The following SVIL variants were observed in gnomAD, a reference collection of about 807,000 sequenced individuals.
The protein encoded by SVIL is supervillin.
In SVIL, 101 loss-of-function variants were observed where a neutral mutation model predicts 240.4. The ratio of observed to expected loss-of-function variants is 0.42; its 90% confidence interval spans 0.36 to 0.50. SVIL has a LOEUF of 0.50. SVIL is among the 20% of genes least tolerant of loss of function. The pLI, the probability that SVIL is intolerant of heterozygous loss-of-function variation, is 0.01. For missense variants in SVIL, 2,512 were observed against 2,818.7 expected, an observed-to-expected ratio of 0.89 and a Z score of 2.46; for synonymous variants, 999 against 1,100.0, an observed-to-expected ratio of 0.91 and a Z score of 1.82.
At chr10:29,503,520 A>G (rs1267964657) in intron 17 of SVIL, among the ~76,000 whole-genome samples, 2 of 152,226 alleles carry the variant, frequency 1.3e-5, no homozygotes, top group Non-Finnish European at 2.9e-5. Context: ...TATTGCTGGA[A>G]GAAAGAAAAG....
At chr10:29,473,158 C>G (rs1187006314) in intron 30 of SVIL, among the ~76,000 whole-genome samples, 2 of 151,926 alleles carry the variant, frequency 1.3e-5, no homozygotes, top group African/African-American at 4.8e-5. Flanking sequence ...GGAGAGGTGC[C>G]CAGGGCCCAT....
intron 6 of SVIL, among the ~76,000 whole-genome samples, chr10:29,549,699 A>G (rs1251674655): frequency 7.1e-6 from 1 of 140,372 alleles, no homozygotes; most frequent in Admixed American, 7.3e-5. Flanking sequence ...GCCATAAAAA[A>G]GGATGAGTTC....
At chr10:29,602,671 CTAAA>C (rs1956860597) in intron 1 of SVIL, among the ~76,000 whole-genome samples, 1 of 152,154 alleles carries the variant, frequency 6.6e-6, no homozygotes, top group African/African-American at 2.4e-5. Flanking sequence ...TGAAAGAAGA[CTAAA>C]TATAATTTTT....
At chr10:29,512,622 A>G in intron 17 of SVIL, 113 bp downstream of exon 17, 1 of 1,586,632 alleles carries the variant, frequency 6.3e-7, no homozygotes, top group Non-Finnish European at 8.6e-7. Flanking sequence ...CCTAAGGGCA[A>G]AAATGCACAA....
At chr10:29,708,524 G>A (rs143949063) in intron 1 of SVIL, among the ~76,000 whole-genome samples, 22 of 152,128 alleles carry the variant, frequency 1.4e-4, no homozygotes, top group Admixed American at 5.9e-4. Flanking sequence ...GGGTGGCTAA[G>A]GCAGGAAAAT....
At position 29,484,874 on chromosome 10, in the gene SVIL, T is replaced by C. The variant is rs1947244349; in HGVS notation, c.4780-43A>G. Reference sequence around the variant, plus strand: ...AAAGAATTTGTTAACTTCAAGAACATGCAACAGTTGAATCAGGTGCAACAG... The same window carrying C: ...AAAGAATTTGTTAACTTCAAGAACACGCAACAGTTGAATCAGGTGCAACAG... On this transcript the variant is annotated intron_variant, in intron 26 of 37. Transcript: ENST00000355867. The surrounding 1 kb of genome is among the most constrained non-coding windows in gnomAD (Gnocchi z 4.7). 6.4e-7 allele frequency: 1 copy of C among 1,552,054 alleles called. No individual in the cohort carries two copies.
At chr10:29,462,251 T>A in intron 36 of SVIL, 26 bp downstream of exon 36, 1 of 1,610,144 alleles carries the variant, frequency 6.2e-7, no homozygotes, top group Non-Finnish European at 8.5e-7. Flanking sequence ...AGGAGCCACC[T>A]TCATAGGGCA....
intron 1 of SVIL, among the ~76,000 whole-genome samples, chr10:29,696,285 A>G (rs900062875): frequency 5.3e-5 from 8 of 152,010 alleles, no homozygotes; most frequent in South Asian, 2.1e-4. Context: ...GTGCAGTGGC[A>G]TGATCTCGGC....
At chr10:29,722,494 A>C (rs1964051398) in intron 1 of SVIL, among the ~76,000 whole-genome samples, 1 of 152,236 alleles carries the variant, frequency 6.6e-6, no homozygotes, top group Admixed American at 6.5e-5. Flanking sequence ...TGTTTAAAGA[A>C]AAAGAACGAA....
At chr10:29,544,637 A>T (rs773514046) in intron 6 of SVIL, among the ~76,000 whole-genome samples, 3 of 151,924 alleles carry the variant, frequency 2.0e-5, no homozygotes, top group Non-Finnish European at 2.9e-5. Flanking sequence ...GCATCTGTTA[A>T]GTCCCAACTA....
chr10:29,541,247 A>T (rs1952131078), intron 6 of SVIL, among the ~76,000 whole-genome samples: 1 of 152,242 alleles, frequency 6.6e-6, no homozygotes. Context: ...TGCTTTATAC[A>T]ACATAATGAG....
chr10:29,645,588 G>A (rs958891821), intron 3 of SVIL, among the ~76,000 whole-genome samples: 1 of 151,998 alleles, frequency 6.6e-6, no homozygotes, highest in Admixed American at 6.6e-5. Flanking sequence ...AATAAATAAG[G>A]AAGGAATAAA....
intron 1 of SVIL, among the ~76,000 whole-genome samples, chr10:29,616,399 T>C (rs1957427404): frequency 6.6e-6 from 1 of 152,224 alleles, no homozygotes; most frequent in African/African-American, 2.4e-5. Flanking sequence ...AATTGTGATA[T>C]ATAATACATG....
At chr10:29,616,575 T>G (rs1305667325) in intron 1 of SVIL, among the ~76,000 whole-genome samples, 1 of 152,216 alleles carries the variant, frequency 6.6e-6, no homozygotes, top group Non-Finnish European at 1.5e-5. Context: ...ATATACCATT[T>G]CAAAATATGC....
chr10:29,531,196 A>G (rs1422384203), intron 10 of SVIL, 58 bp downstream of exon 10: 20 of 1,563,744 alleles, frequency 1.3e-5, no homozygotes, highest in Non-Finnish European at 8.7e-7. Flanking sequence ...AAACCTTATT[A>G]TTAAATCCAG....
chr10:29,486,807 A>T (rs10826639), intron 24 of SVIL, among the ~76,000 whole-genome samples: 14,470 of 152,292 alleles, frequency 0.095, 872 homozygotes, highest in Non-Finnish European at 0.13. Context: ...CTTTTAAAAA[A>T]CACTATTCTT....
intron 2 of SVIL, among the ~76,000 whole-genome samples, chr10:29,565,960 T>G (rs1291584527): frequency 6.6e-6 from 1 of 152,224 alleles, no homozygotes; most frequent in Non-Finnish European, 1.5e-5. Context: ...GAATGAATGA[T>G]TACTACAAAA....
At chr10:29,458,813 A>G (rs1264598936) in intron 36 of SVIL, 10 of 336,768 alleles carry the variant, frequency 3.0e-5, no homozygotes, top group South Asian at 3.0e-4. Flanking sequence ...AAATTAAAAA[A>G]TGGTATTTTT....
chr10:29,523,345 A>T (rs1950684913), intron 15 of SVIL, 106 bp downstream of exon 15: 10 of 1,042,324 alleles, frequency 9.6e-6, no homozygotes, highest in Middle Eastern at 2.4e-4. Context: ...TACTAGCTGT[A>T]AACTGCCTAT....
Sources: allele counts gnomAD v4.1 joint callset (sites outside exome capture counted in the v4.1 genomes callset), GRCh38; gene constraint gnomAD v4.1.1; non-coding constraint Gnocchi (gnomAD v3.1); transcripts MANE v1.5; gene names NCBI Gene and HGNC (gene_info 2026-07-23, HGNC 2026-07-21).